Variants in PTPRR observed in about 807,000 individuals in gnomAD.
PTPRR encodes receptor-type tyrosine-protein phosphatase R.
In PTPRR, 38 loss-of-function variants were observed where a neutral mutation model predicts 77.2. The observed-to-expected ratio is 0.49, with a 90% CI of 0.38 to 0.65. The LOEUF is 0.65. PTPRR is among the 30% of genes least tolerant of loss of function. The pLI, the probability that PTPRR is intolerant of heterozygous loss-of-function variation, is 0.00. For synonymous variants in PTPRR, 299 were observed against 283.1 expected (o/e 1.06, Z -0.57); for missense variants, 744 against 799.2 (o/e 0.93, Z 0.83).
Position 70,728,362 on chromosome 12 carries a change from A to G in PTPRR, c.1007+17456T>C, listed in dbSNP as rs531784511. On this transcript the variant is annotated intron_variant, in intron 6 of 13. Coordinates refer to ENST00000283228, the MANE Select transcript of PTPRR (RefSeq NM_002849.4). ...AAATATTCCAAAATCTGAAAAAAAA[A>G]CAAAAAATCCAAAATCTGAAACACT... 1.8e-3 allele frequency among the ~76,000 whole-genome samples: 250 copies of G among 140,852 alleles called. 1 individual carries two copies. Among genetic ancestry groups the G allele is most frequent in the Non-Finnish European group, 2.9e-3 (191 of 64,990 alleles). The allele number at this position is 140,852 out of a possible 152,430, so 92.4% of individuals were successfully genotyped here. A position where few individuals can be genotyped will look rare whatever the true frequency, so the allele number is the denominator to read the frequency against.
chr12:70,728,202 ATTTT>A (rs113954383), intron 6 of PTPRR, among the ~76,000 whole-genome samples: 1 of 127,784 alleles, frequency 7.8e-6, no homozygotes. Flanking sequence ...CAGATTTTGG[ATTTT>A]TTTTTTTTCA....
intron 10 of PTPRR, among the ~76,000 whole-genome samples, chr12:70,669,667 C>T (rs187330229): frequency 6.1e-4 from 93 of 151,920 alleles, no homozygotes; most frequent in African/African-American, 2.0e-3. Context: ...TGGGCTCAAG[C>T]GATCCTCTGG....
intron 10 of PTPRR, chr12:70,672,404 C>T (rs1020354307): frequency 8.3e-7 from 1 of 1,198,242 alleles, no homozygotes; most frequent in African/African-American, 1.5e-5. Context: ...AGTGGAGCAG[C>T]TGTGGTCATT....
At chr12:70,900,467 T>C (rs554986023) in intron 1 of PTPRR, among the ~76,000 whole-genome samples, 1 of 151,480 alleles carries the variant, frequency 6.6e-6, no homozygotes, top group South Asian at 2.1e-4. Context: ...GTCTGGGCAA[T>C]GATTTTTTTT....
chr12:70,817,937 G>A (rs1045060739), intron 2 of PTPRR, among the ~76,000 whole-genome samples: 2 of 152,196 alleles, frequency 1.3e-5, no homozygotes, highest in Non-Finnish European at 2.9e-5. Context: ...TGGTTGGCCA[G>A]GTGCAGCGGC....
intron 3 of PTPRR, among the ~76,000 whole-genome samples, chr12:70,762,290 C>T (rs1400026185): frequency 1.3e-5 from 2 of 150,758 alleles, no homozygotes; most frequent in African/African-American, 4.9e-5. Context: ...ATCCTACACA[C>T]ACATACACAC....
At chr12:70,689,517 C>A (rs1887984634) in intron 8 of PTPRR, among the ~76,000 whole-genome samples, 1 of 152,176 alleles carries the variant, frequency 6.6e-6, no homozygotes, top group African/African-American at 2.4e-5. Context: ...GGGTCTTGAA[C>A]ACCTGTGGAG....
intron 5 of PTPRR, among the ~76,000 whole-genome samples, chr12:70,751,101 C>G (rs959449367): frequency 6.6e-6 from 1 of 152,038 alleles, no homozygotes; most frequent in Non-Finnish European, 1.5e-5. Flanking sequence ...TGAAATCCAT[C>G]TAATTATTTC....
chr12:70,754,691 A>T (rs761617211), intron 4 of PTPRR: 23 of 1,596,222 alleles, frequency 1.4e-5, no homozygotes, highest in Non-Finnish European at 2.0e-5. Flanking sequence ...ACCCTGGATT[A>T]CGTGCTGTAC....
chr12:70,872,895 A>T (rs1344799849), intron 2 of PTPRR, among the ~76,000 whole-genome samples: 4 of 152,128 alleles, frequency 2.6e-5, no homozygotes, highest in Non-Finnish European at 4.4e-5. Context: ...GAAATATAAC[A>T]ATGAACTTTA....
At chr12:70,715,903 TA>T (rs1889009924) in intron 6 of PTPRR, among the ~76,000 whole-genome samples, 1 of 152,204 alleles carries the variant, frequency 6.6e-6, no homozygotes, top group Admixed American at 6.5e-5. Flanking sequence ...ATTAAGAGAT[TA>T]AAGTAAAGAC....
At chr12:70,856,717 A>G (rs1892657518) in intron 2 of PTPRR, among the ~76,000 whole-genome samples, 1 of 149,936 alleles carries the variant, frequency 6.7e-6, no homozygotes, top group Non-Finnish European at 1.5e-5. Flanking sequence ...AATTGCAGTT[A>G]TGATGGCGAA....
intron 10 of PTPRR, among the ~76,000 whole-genome samples, chr12:70,676,225 A>G (rs1042913481): frequency 2.0e-5 from 3 of 151,376 alleles, no homozygotes; most frequent in Non-Finnish European, 3.0e-5. Flanking sequence ...CCTTAGCTTT[A>G]TATTTGAATC....
At chr12:70,879,019 A>G (rs11178465) in intron 2 of PTPRR, among the ~76,000 whole-genome samples, 100,227 of 151,886 alleles carry the variant, frequency 0.66, 33,901 homozygotes, top group African/African-American at 0.8. Flanking sequence ...ACCAAACACC[A>G]CATGTTCTCA....
chr12:70,914,918 G>A (rs1293350202), intron 1 of PTPRR, among the ~76,000 whole-genome samples: 4 of 152,160 alleles, frequency 2.6e-5, no homozygotes, highest in Non-Finnish European at 5.9e-5. Flanking sequence ...TAGAACCAGA[G>A]TTCAGGGGAG....
intron 2 of PTPRR, among the ~76,000 whole-genome samples, chr12:70,872,694 C>CAAAAAAAAAAAAAAAAAAAAA (rs377557224): frequency 4.6e-4 from 20 of 43,448 alleles, no homozygotes; most frequent in African/African-American, 1.5e-3. Flanking sequence ...GACTCTGTCT[C>CAAAAAAAAAAAAAAAAAAAAA]AAAAAAAAAA....
chr12:70,826,115 AAAG>A (rs1892104250), intron 2 of PTPRR, among the ~76,000 whole-genome samples: 1 of 152,300 alleles, frequency 6.6e-6, no homozygotes, highest in South Asian at 2.1e-4. Context: ...GGAGAGAGGG[AAAG>A]AAGAAGGGAG....
intron 2 of PTPRR, among the ~76,000 whole-genome samples, chr12:70,801,261 T>C (rs979288697): frequency 6.6e-6 from 1 of 152,208 alleles, no homozygotes; most frequent in African/African-American, 2.4e-5. Context: ...ATTTTATGCA[T>C]CAACTTGGCT....
At chr12:70,640,191 T>C (rs2136633890) in intron 13 of PTPRR, among the ~76,000 whole-genome samples, 1 of 152,288 alleles carries the variant, frequency 6.6e-6, no homozygotes, top group South Asian at 2.1e-4. Context: ...TTTTAGTTTT[T>C]GAGAAAACGT....
Sources: allele counts gnomAD v4.1 joint callset (sites outside exome capture counted in the v4.1 genomes callset), GRCh38; gene constraint gnomAD v4.1.1; transcripts MANE v1.5; gene names NCBI Gene and HGNC (gene_info 2026-07-23, HGNC 2026-07-21).